PRKN: variants seen among roughly 807,000 people sequenced by gnomAD.
PRKN encodes parkin RBR E3 ubiquitin protein ligase.
PRKN carries 56 observed loss-of-function variants against 59.5 expected under a neutral mutation model. That is an observed-to-expected ratio of 0.94 (90% CI 0.76 to 1.18). PRKN has a LOEUF of 1.18. Among genes scored for constraint, PRKN ranks in the 50% most tolerant of loss-of-function variants. The pLI is 0.00. For missense variants in PRKN, 657 were observed against 596.4 expected (o/e 1.10, Z -1.06); for synonymous variants, 250 against 222.1 (o/e 1.13, Z -1.12).
intron 4 of PRKN, among the ~76,000 whole-genome samples, chr6:162,152,207 G>A (rs1445880420): frequency 1.3e-5 from 2 of 152,158 alleles, no homozygotes; most frequent in Admixed American, 6.5e-5. Flanking sequence ...CCCTGGGGGA[G>A]CTTTTCATTG....
Position 162,597,559 on chromosome 6 carries a change from G to C in PRKN, c.7+130103C>G, listed in dbSNP as rs567364964. Among the ~76,000 whole-genome samples the C allele has an allele frequency of 9.2e-4, 140 of 152,240 alleles. 1 individual carries two copies. The highest frequency in any genetic ancestry group is 1.5e-3 in the Non-Finnish European group (104 of 68,006). On this transcript the variant is annotated intron_variant, in intron 1 of 11. Coordinates refer to ENST00000366898, the MANE Select transcript of PRKN (RefSeq NM_004562.3). ...TATGTGTCTATATTGTATGAATTTTGCTTGTAATACAGTAAATACAGTTTT... is the reference window on the plus strand; with the variant it reads ...TATGTGTCTATATTGTATGAATTTTCCTTGTAATACAGTAAATACAGTTTT...
intron 4 of PRKN, among the ~76,000 whole-genome samples, chr6:162,128,175 T>C (rs1391917347): frequency 6.6e-6 from 1 of 152,204 alleles, no homozygotes; most frequent in Non-Finnish European, 1.5e-5. Context: ...GCAAGAGCCA[T>C]GTCTCTTCTG....
chr6:161,386,953 T>C lies in PRKN; in HGVS notation c.1084-76A>G, dbSNP rs1786281230. On this transcript the variant is annotated intron_variant, in intron 9 of 11. Transcript: ENST00000366898. This position sits in a 1 kb window ranked among gnomAD's most constrained non-coding sequence, Gnocchi z 4.3. Reference sequence around the variant, plus strand: ...AATAACACATTTTTCCTTTTCCAAATTCATTATATTCATTCCTCTGGCTTG... The same window carrying C: ...AATAACACATTTTTCCTTTTCCAAACTCATTATATTCATTCCTCTGGCTTG... The C allele has an allele frequency of 1.3e-5, 14 of 1,067,994 alleles. No individual in the cohort carries two copies. Among genetic ancestry groups the C allele is most frequent in the Admixed American group, 1.7e-5 (1 of 58,774 alleles). The allele number at this position is 1,067,994 out of a possible 1,614,324, so 66.2% of individuals were successfully genotyped here.
chr6:162,459,230 T>C (rs1290835330), intron 1 of PRKN, among the ~76,000 whole-genome samples: 2 of 152,146 alleles, frequency 1.3e-5, no homozygotes, highest in Non-Finnish European at 2.9e-5. Context: ...AGATACTACA[T>C]GCAATCTGCT....
In PRKN at chr6:161,468,309, A is replaced by C. The variant is rs547328952; in HGVS notation, c.1083+80545T>G. Among the ~76,000 whole-genome samples the C allele has an allele frequency of 4.4e-4, 67 of 152,256 alleles. No homozygotes were observed. The highest frequency in any genetic ancestry group is 4.3e-3 in the East Asian group (22 of 5,172). ...ACTTTAAAACAAAAACAAAAAAAAA[A>C]CAGCCAAACCTAATCTTCAATCTGA... On this transcript the variant is annotated intron_variant, in intron 9 of 11. Transcript: ENST00000366898. The surrounding 1 kb of genome is among the most constrained non-coding windows in gnomAD (Gnocchi z 5.9).
intron 7 of PRKN, among the ~76,000 whole-genome samples, chr6:161,662,624 C>T (rs1784588169): frequency 6.6e-6 from 1 of 151,864 alleles, no homozygotes. Context: ...CCTAGCTCTG[C>T]CACCAGACCT....
intron 7 of PRKN, among the ~76,000 whole-genome samples, chr6:161,618,156 AT>A (rs1453254778): frequency 6.6e-6 from 1 of 152,142 alleles, no homozygotes; most frequent in Non-Finnish European, 1.5e-5. Context: ...TGCAACATAT[AT>A]TTTTTTCCTA....
At chr6:162,150,763 G>T (rs897231348) in intron 4 of PRKN, among the ~76,000 whole-genome samples, 2 of 152,096 alleles carry the variant, frequency 1.3e-5, no homozygotes, top group African/African-American at 2.4e-5. Context: ...AATGTTTAAG[G>T]AACTCTGGTT....
intron 9 of PRKN, among the ~76,000 whole-genome samples, chr6:161,436,890 C>T (rs1788939828): frequency 6.6e-6 from 1 of 152,052 alleles, no homozygotes; most frequent in African/African-American, 2.4e-5. Flanking sequence ...CGGTCACCCT[C>T]TGCAGCTCTG....
intron 2 of PRKN, among the ~76,000 whole-genome samples, chr6:162,384,892 T>C (rs1250353694): frequency 6.6e-6 from 1 of 152,096 alleles, no homozygotes; most frequent in Non-Finnish European, 1.5e-5. Context: ...CAGCATTACA[T>C]TAGCTTCGAA....
At chr6:161,915,223 T>G (rs1778510606) in intron 6 of PRKN, among the ~76,000 whole-genome samples, 1 of 152,072 alleles carries the variant, frequency 6.6e-6, no homozygotes, top group African/African-American at 2.4e-5. Context: ...GAGGTGGAGG[T>G]TGCAGTGAGC....
intron 1 of PRKN, among the ~76,000 whole-genome samples, chr6:162,516,788 A>T (rs1027171974): frequency 2.0e-5 from 3 of 151,938 alleles, no homozygotes; most frequent in African/African-American, 7.2e-5. Context: ...GAAAGAAAAG[A>T]AAAGAAAAAA....
intron 2 of PRKN, among the ~76,000 whole-genome samples, chr6:162,275,975 T>G (rs1206491517): frequency 2.0e-5 from 3 of 152,208 alleles, no homozygotes; most frequent in Admixed American, 1.3e-4. Context: ...CAGTCTGCTT[T>G]GAACACTTTT....
chr6:162,112,363 G>A lies in PRKN; in HGVS notation c.535-58189C>T, dbSNP rs184910429. 2.6e-5 allele frequency among the ~76,000 whole-genome samples: 4 copies of A among 152,174 alleles called. No individual in the cohort carries two copies. In the East Asian group the frequency reaches 7.7e-4, roughly 29 times the overall value. The stretch of plus-strand genomic sequence containing the variant: ...GTATTCATGTCTATACAATTACTAG[G>A]ACTTTTTTTACACAGAATACCTAAG... On this transcript the variant is annotated intron_variant, in intron 4 of 11. Coordinates refer to ENST00000366898, the MANE Select transcript of PRKN (RefSeq NM_004562.3).
chr6:162,445,279 A>C (rs1790254784), intron 1 of PRKN, among the ~76,000 whole-genome samples: 1 of 152,172 alleles, frequency 6.6e-6, no homozygotes, highest in African/African-American at 2.4e-5. Context: ...AATGGGACCC[A>C]CTTTTCTAAG....
intron 2 of PRKN, among the ~76,000 whole-genome samples, chr6:162,292,292 T>A (rs1583325216): frequency 6.6e-6 from 1 of 152,196 alleles, no homozygotes; most frequent in Admixed American, 6.5e-5. Context: ...CATTTGGCAC[T>A]GATCCGTCTT....
chr6:161,491,589 C>A (rs1583146770), intron 9 of PRKN, among the ~76,000 whole-genome samples: 1 of 151,930 alleles, frequency 6.6e-6, no homozygotes, highest in Non-Finnish European at 1.5e-5. Context: ...AAATCCCAGC[C>A]ATTTCATTTG....
chr6:161,732,001 G>C (rs1438370189), intron 7 of PRKN, among the ~76,000 whole-genome samples: 3 of 151,842 alleles, frequency 2.0e-5, no homozygotes, highest in African/African-American at 7.3e-5. Context: ...TGTTACACAG[G>C]TAAACTGCAT....
At chr6:162,223,006 C>T (rs989075084) in intron 3 of PRKN, among the ~76,000 whole-genome samples, 1 of 127,922 alleles carries the variant, frequency 7.8e-6, no homozygotes, top group Non-Finnish European at 1.6e-5. Context: ...TATCCCTCCC[C>T]CCTCCCCCCA....
Sources: gnomAD v4.1 joint callset for allele counts (sites outside exome capture counted in the v4.1 genomes callset) on GRCh38, gnomAD v4.1.1 for gene constraint, Gnocchi (gnomAD v3.1) non-coding constraint, MANE v1.5 for transcripts, NCBI Gene and HGNC (gene_info 2026-07-23, HGNC 2026-07-21) for gene names.